Variants in CNGA1 observed in about 807,000 individuals in gnomAD.
The protein encoded by CNGA1 is cyclic nucleotide gated channel subunit alpha 1.
In CNGA1, 53 loss-of-function variants were observed where a neutral mutation model predicts 69.7. That is an observed-to-expected ratio of 0.76 (90% CI 0.61 to 0.96). The LOEUF (loss-of-function observed/expected upper bound fraction) is 0.96. Ranked by LOEUF, CNGA1 falls within the 40% of genes least tolerant of loss-of-function variation. CNGA1 has a pLI of 0.00. For missense variants in CNGA1, 739 were observed against 811.2 expected, an observed-to-expected ratio of 0.91 and a Z score of 1.08; for synonymous variants, 249 against 283.5, an observed-to-expected ratio of 0.88 and a Z score of 1.22.
intron 8 of CNGA1, chr4:47,942,814 T>A: frequency 5.8e-6 from 1 of 173,392 alleles, no homozygotes. Flanking sequence ...AAAAATTAAA[T>A]TTTTATTTCA....
At chr4:47,941,770 G>A (rs1187523146) in intron 9 of CNGA1, among the ~76,000 whole-genome samples, 4 of 151,982 alleles carry the variant, frequency 2.6e-5, no homozygotes, top group African/African-American at 4.8e-5. Flanking sequence ...ACCCCCGAAC[G>A]TCAAATAAAA....
intron 1 of CNGA1, among the ~76,000 whole-genome samples, chr4:48,015,068 C>T (rs567770111): frequency 7.2e-4 from 109 of 152,144 alleles, no homozygotes; most frequent in African/African-American, 2.5e-3. Flanking sequence ...GTCCCAGCTA[C>T]TCGGGAGGCT....
At chr4:47,973,719 A>G (rs1741171494) in intron 3 of CNGA1, among the ~76,000 whole-genome samples, 2 of 152,110 alleles carry the variant, frequency 1.3e-5, no homozygotes, top group Non-Finnish European at 2.9e-5. Flanking sequence ...AAAAAAGTGC[A>G]GAAGAGTAGG....
chr4:47,966,752 G>A (rs935236650), intron 3 of CNGA1, among the ~76,000 whole-genome samples: 3 of 152,062 alleles, frequency 2.0e-5, no homozygotes, highest in Non-Finnish European at 1.5e-5. Context: ...AAACTTACAA[G>A]CAACTATTAT....
chr4:47,991,860 G>A (rs1166713274), intron 2 of CNGA1, among the ~76,000 whole-genome samples: 3 of 152,140 alleles, frequency 2.0e-5, no homozygotes, highest in Admixed American at 2.0e-4. Context: ...GGGAGATGAG[G>A]ATGAACTTTT....
At chr4:47,995,430 A>G (rs1174607628) in intron 2 of CNGA1, among the ~76,000 whole-genome samples, 1 of 152,012 alleles carries the variant, frequency 6.6e-6, no homozygotes, top group African/African-American at 2.4e-5. Flanking sequence ...TACTTGTTTA[A>G]TTATGTTGCT....
intron 3 of CNGA1, among the ~76,000 whole-genome samples, chr4:47,967,393 G>C (rs759065226): frequency 6.6e-6 from 1 of 152,154 alleles, no homozygotes; most frequent in Non-Finnish European, 1.5e-5. Context: ...CTAAGGTCAA[G>C]AATAAGACAA....
At chr4:48,004,375 A>G (rs1042986908) in intron 2 of CNGA1, among the ~76,000 whole-genome samples, 1 of 152,066 alleles carries the variant, frequency 6.6e-6, no homozygotes, top group Non-Finnish European at 1.5e-5. Flanking sequence ...TCTTTTTTTA[A>G]TCTCTTTGTC....
chr4:47,975,244 A>G (rs973705709), intron 3 of CNGA1, among the ~76,000 whole-genome samples: 1 of 152,226 alleles, frequency 6.6e-6, no homozygotes, highest in Admixed American at 6.5e-5. Flanking sequence ...TCTCATGAAA[A>G]ACTAAAACAG....
rs997839886 is a variant in CNGA1, at chr4:48,016,565, C to A, written c.-305G>T. The stretch of plus-strand genomic sequence containing the variant: ...CTCTAGTTCGCGGCTCCAGCAGTCG[C>A]GCCAAGGGGCAGCTGCTACTCCTGC... On this transcript the variant is annotated 5_prime_UTR_variant, in exon 1 of 11. Transcript: ENST00000514170. 7 of 490,770 alleles carry A rather than the reference C, an allele frequency of 1.4e-5. No homozygotes were observed. Among genetic ancestry groups the A allele is most frequent in the Non-Finnish European group, 2.5e-5 (7 of 280,596 alleles). The allele number at this position is 490,770 out of a possible 1,614,324, so 30.4% of individuals were successfully genotyped here.
intron 2 of CNGA1, among the ~76,000 whole-genome samples, chr4:47,999,584 C>CAT (rs1427015290): frequency 6.6e-6 from 1 of 152,124 alleles, no homozygotes; most frequent in African/African-American, 2.4e-5. Context: ...GAAATCATGG[C>CAT]ATATGTCTGG....
At chr4:48,010,681 T>G (rs1415748579) in intron 2 of CNGA1, 113 bp downstream of exon 2, 1 of 153,426 alleles carries the variant, frequency 6.5e-6, no homozygotes, top group Non-Finnish European at 1.4e-5. Flanking sequence ...TGACTAGTGT[T>G]CAGCTCGATT....
chr4:47,944,515 G>T (rs1294880741), intron 6 of CNGA1, among the ~76,000 whole-genome samples: 1 of 152,192 alleles, frequency 6.6e-6, no homozygotes. Flanking sequence ...CTGGAAAAAG[G>T]TAATGGTCCA....
chr4:47,976,874 A>G (rs947932156), intron 3 of CNGA1, among the ~76,000 whole-genome samples: 1 of 152,182 alleles, frequency 6.6e-6, no homozygotes, highest in African/African-American at 2.4e-5. Context: ...TAGTAAGAGA[A>G]ACCTGTAAGT....
In CNGA1 at chr4:47,956,127, G is replaced by A. The variant is rs16860819; in HGVS notation, c.-14-3424C>T. Among the ~76,000 whole-genome samples the A allele has an allele frequency of 9.0e-3, 1,376 of 152,312 alleles. 19 individuals are homozygous for A. The highest frequency in any genetic ancestry group is 0.03 in the African/African-American group (1,263 of 41,558). ...GCTCAGATTCTGGATGGCATTTGCG[G>A]CACTTAGGTTTAGTCAATTAAATGC... On this transcript the variant is annotated intron_variant, in intron 3 of 10. Transcript: ENST00000514170.
chr4:48,011,139 C>T (rs756507777), intron 1 of CNGA1, among the ~76,000 whole-genome samples: 1 of 152,040 alleles, frequency 6.6e-6, no homozygotes, highest in Non-Finnish European at 1.5e-5. Flanking sequence ...TCTGATTGGT[C>T]GGGTGTGAGC....
At chr4:47,942,919 G>T (rs1739184447) in intron 8 of CNGA1, 1 of 298,098 alleles carries the variant, frequency 3.4e-6, no homozygotes, top group Admixed American at 4.8e-5. Flanking sequence ...GCTTAGGGAA[G>T]AGAATTAACC....
chr4:47,937,844 A>C lies in CNGA1; in HGVS notation c.653-15T>G, dbSNP rs1738774386. On this transcript the variant is annotated splice_polypyrimidine_tract_variant and intron_variant, in intron 10 of 10. Transcript: ENST00000514170. ...TTCTAGGTAACCTAAAATAGAAAAT[A>C]AAATCAATTCAGTGTTTCTCCTTTT... 6.3e-7 allele frequency: 1 copy of C among 1,577,688 alleles called. No homozygotes were observed. Among genetic ancestry groups the C allele is most frequent in the Non-Finnish European group, 8.7e-7 (1 of 1,148,222 alleles).
intron 2 of CNGA1, among the ~76,000 whole-genome samples, chr4:47,989,254 C>T (rs1474299594): frequency 6.6e-6 from 1 of 152,164 alleles, no homozygotes; most frequent in Non-Finnish European, 1.5e-5. Flanking sequence ...AGCAAACTAT[C>T]TTTGGTTATA....
Sources: gnomAD v4.1 joint callset for allele counts (sites outside exome capture counted in the v4.1 genomes callset) on GRCh38, gnomAD v4.1.1 for gene constraint, MANE v1.5 for transcripts, NCBI Gene and HGNC (gene_info 2026-07-23, HGNC 2026-07-21) for gene names.